UCK2: variants seen among roughly 807,000 people sequenced by gnomAD.
UCK2 encodes uridine-cytidine kinase 2, also known as cytidine monophosphokinase 2.
UCK2 carries 6 observed loss-of-function variants against 30.8 expected under a neutral mutation model. The ratio of observed to expected loss-of-function variants is 0.19; its 90% CI spans 0.11 to 0.38. The LOEUF (loss-of-function observed/expected upper bound fraction) is 0.38. Ranked by LOEUF, UCK2 falls within the 10% of genes least tolerant of loss-of-function variation. The pLI, the probability that UCK2 is intolerant of heterozygous loss-of-function variation, is 1.00. For missense variants in UCK2, 210 were observed against 339.8 expected, an observed-to-expected ratio of 0.62 and a Z score of 3.00; for synonymous variants, 125 against 133.6, an observed-to-expected ratio of 0.94 and a Z score of 0.45.
chr1:165,877,355 C>T (rs943482352), intron 1 of UCK2, among the ~76,000 whole-genome samples: 17 of 152,046 alleles, frequency 1.1e-4, no homozygotes, highest in African/African-American at 2.7e-4. Context: ...CAAAAGACAC[C>T]GGGATGTTGA....
intron 1 of UCK2, among the ~76,000 whole-genome samples, chr1:165,844,625 G>A (rs11590711): frequency 0.47 from 71,186 of 152,048 alleles, 17,895 homozygotes; most frequent in Non-Finnish European, 0.56. Flanking sequence ...GGAACGAACC[G>A]CGTGATTACG....
intron 1 of UCK2, among the ~76,000 whole-genome samples, chr1:165,857,078 C>T (rs746876589): frequency 5.3e-5 from 8 of 152,064 alleles, no homozygotes; most frequent in Non-Finnish European, 8.8e-5. Context: ...TCTGCTTTCT[C>T]GAGTGACCTT....
Position 165,908,040 on chromosome 1 carries a change from A to G in UCK2, c.*217A>G, listed in dbSNP as rs537307884. On this transcript the variant is annotated 3_prime_UTR_variant, in exon 7 of 7. Transcript: ENST00000367879. ...CTTAAATAACAAAACTGTGCCAACTACTACTGGTGATGCCTAATTATGAAT... is the reference window on the plus strand; with the variant it reads ...CTTAAATAACAAAACTGTGCCAACTGCTACTGGTGATGCCTAATTATGAAT... 1.5e-4 allele frequency: 80 copies of G among 550,588 alleles called. 1 individual carries two copies. The East Asian group carries it at 2.5e-3, about 17-fold the overall frequency. 34.1% of individuals were successfully genotyped at this position (550,588 alleles called of 1,614,324 possible).
intron 1 of UCK2, among the ~76,000 whole-genome samples, chr1:165,836,688 G>C (rs142023290): frequency 6.6e-6 from 1 of 152,160 alleles, no homozygotes; most frequent in Non-Finnish European, 1.5e-5. Context: ...GGGGTGATGG[G>C]CCTTTATTTT....
chr1:165,871,855 A>G (rs1655203680), intron 1 of UCK2, among the ~76,000 whole-genome samples: 1 of 152,234 alleles, frequency 6.6e-6, no homozygotes, highest in African/African-American at 2.4e-5. Context: ...AAAGACAGTT[A>G]ACTAGAAAGA....
intron 1 of UCK2, among the ~76,000 whole-genome samples, chr1:165,882,600 G>C (rs1655525192): frequency 6.6e-6 from 1 of 152,170 alleles, no homozygotes; most frequent in Non-Finnish European, 1.5e-5. Flanking sequence ...GAGGGCCGCT[G>C]TCTGCTTCCA....
chr1:165,836,620 A>G (rs1430116415), intron 1 of UCK2, among the ~76,000 whole-genome samples: 1 of 152,226 alleles, frequency 6.6e-6, no homozygotes, highest in African/African-American at 2.4e-5. Flanking sequence ...TAAGTCATTC[A>G]TCTTCCAGTA....
rs182724411 is a variant in UCK2 at position 165,901,076 on chromosome 1, C to T, written c.500-2106C>T. On this transcript the variant is annotated intron_variant, in intron 4 of 6. Transcript: ENST00000367879. ...TGGGGGGTGAGCCACGTGGCAGCTC[C>T]TTAGGGCTCCTTCTTAGCGAGTCTC... Among the ~76,000 whole-genome samples the T allele has an allele frequency of 3.5e-3, 531 of 152,242 alleles. 25 individuals are homozygous for T. The highest frequency in any genetic ancestry group is 0.032 in the Admixed American group (492 of 15,288).
At chr1:165,885,554 C>T (rs1162742259) in intron 1 of UCK2, among the ~76,000 whole-genome samples, 7 of 152,166 alleles carry the variant, frequency 4.6e-5, no homozygotes, top group African/African-American at 1.7e-4. Flanking sequence ...TTAGAAGTGG[C>T]AGGGACAGAA....
intron 1 of UCK2, among the ~76,000 whole-genome samples, chr1:165,884,078 G>A (rs1162474787): frequency 6.8e-6 from 1 of 146,216 alleles, no homozygotes; most frequent in East Asian, 1.9e-4. Flanking sequence ...TACCATATAA[G>A]CTAGTGGTGA....
At chr1:165,853,200 C>A (rs1421165801) in intron 1 of UCK2, among the ~76,000 whole-genome samples, 1 of 152,122 alleles carries the variant, frequency 6.6e-6, no homozygotes, top group Non-Finnish European at 1.5e-5. Context: ...ACTGATGAGG[C>A]CTCTCCCAAA....
chr1:165,871,271 C>G (rs190824574), intron 1 of UCK2, among the ~76,000 whole-genome samples: 4 of 152,232 alleles, frequency 2.6e-5, no homozygotes, highest in Admixed American at 2.0e-4. Context: ...GGAAAATATA[C>G]CTCGTGTTTT....
At chr1:165,861,236 C>T (rs921481682) in intron 1 of UCK2, among the ~76,000 whole-genome samples, 13 of 152,228 alleles carry the variant, frequency 8.5e-5, no homozygotes, top group East Asian at 1.9e-4. Context: ...CACCTCTTAA[C>T]GCTATTGATA....
intron 1 of UCK2, among the ~76,000 whole-genome samples, chr1:165,858,422 A>G (rs1654808219): frequency 6.6e-6 from 1 of 151,918 alleles, no homozygotes; most frequent in Non-Finnish European, 1.5e-5. Context: ...TTCCCAGTCC[A>G]CCCCCTTGGG....
At position 165,858,138 on chromosome 1, in the gene UCK2, G is replaced by A. The variant is rs532423891; in HGVS notation, c.99+30206G>A. On this transcript the variant is annotated intron_variant, in intron 1 of 6. Coordinates refer to ENST00000367879, the MANE Select transcript of UCK2 (RefSeq NM_012474.5). ...AGGTGGATGTTTGAAGACCCCACTA[G>A]CATGTGTTGAGTTTACAGCCACTGT... Among the ~76,000 whole-genome samples, 5 of 152,314 alleles carry A rather than the reference G, an allele frequency of 3.3e-5. 1 individual carries two copies. The highest frequency in any genetic ancestry group is 9.6e-5 in the African/African-American group (4 of 41,570).
chr1:165,828,037 C>T, intron 1 of UCK2, 105 bp downstream of exon 1: 2 of 880,162 alleles, frequency 2.3e-6, no homozygotes, highest in African/African-American at 3.6e-5. Context: ...CACCGCGTGG[C>T]CCGCGCGCCT....
At chr1:165,836,214 G>T (rs141139815) in intron 1 of UCK2, among the ~76,000 whole-genome samples, 108 of 151,048 alleles carry the variant, frequency 7.2e-4, no homozygotes, top group Admixed American at 2.2e-3. Flanking sequence ...GGCGACAAGA[G>T]CAAGACTCCG....
intron 1 of UCK2, among the ~76,000 whole-genome samples, chr1:165,830,998 G>A (rs1330346700): frequency 6.6e-6 from 1 of 152,168 alleles, no homozygotes; most frequent in East Asian, 1.9e-4. Flanking sequence ...AGTGCTGCAG[G>A]TCTAGAGGCT....
chr1:165,883,937 G>A (rs545305146), intron 1 of UCK2, among the ~76,000 whole-genome samples: 2 of 152,312 alleles, frequency 1.3e-5, no homozygotes, highest in East Asian at 3.9e-4. Flanking sequence ...TTAAACCAGG[G>A]CAAATTACTG....
Sources: allele counts gnomAD v4.1 joint callset (sites outside exome capture counted in the v4.1 genomes callset), GRCh38; gene constraint gnomAD v4.1.1; transcripts MANE v1.5; gene names NCBI Gene and HGNC (gene_info 2026-07-23, HGNC 2026-07-21).